The following HOXB8 variants were observed in gnomAD, a reference collection of about 807,000 sequenced individuals.
HOXB8 encodes the protein homeobox B8.
Under a neutral mutation model 22.2 loss-of-function variants are expected in HOXB8, and 17 were observed. That is an observed-to-expected ratio of 0.77 (90% CI 0.53 to 1.15). The LOEUF (loss-of-function observed/expected upper bound fraction) is 1.15, where lower values mean the gene tolerates loss of function less well. Among genes scored for constraint, HOXB8 ranks in the 50% most tolerant of loss-of-function variants. The pLI is 0.00. For missense variants in HOXB8, 287 were observed against 323.8 expected, an observed-to-expected ratio of 0.89 and a Z score of 0.87; for synonymous variants, 156 against 144.6, an observed-to-expected ratio of 1.08 and a Z score of -0.57.
rs761352582 is a variant in HOXB8 at position 48,615,178 on chromosome 17, C to CTATTGGCTTCTTCG, written c.-488_-475dup. Among the ~76,000 whole-genome samples, 51 of 151,910 alleles carry CTATTGGCTTCTTCG rather than the reference C, an allele frequency of 3.4e-4. No individual in the cohort carries two copies. Among genetic ancestry groups the CTATTGGCTTCTTCG allele is most frequent in the South Asian group, 6.2e-4 (3 of 4,812 alleles). On this transcript the variant is annotated 5_prime_UTR_variant, in exon 1 of 2. Coordinates refer to ENST00000239144, the MANE Select transcript of HOXB8 (RefSeq NM_024016.4). ...TTGCATCCATTAGAGACCCCGCATC[C>CTATTGGCTTCTTCG]TATTGGCTTCTTCGTACTCCTCCCG...
Position 48,614,183 on chromosome 17 carries a change from G to T in HOXB8, c.424+98C>A. 1 of 974,248 alleles carries T rather than the reference G, an allele frequency of 1.0e-6. No individual in the cohort carries two copies. Among genetic ancestry groups the T allele is most frequent in the Non-Finnish European group, 1.4e-6 (1 of 695,006 alleles). The allele number at this position is 974,248 out of a possible 1,614,324, so 60.4% of individuals were successfully genotyped here. A position where few individuals can be genotyped will look rare whatever the true frequency, so the allele number is the denominator to read the frequency against. ...GCGGCAGGCGATCGGAACGGAGCCG[G>T]CAAGTCTTCCAGAAGCTGGAGGAAA... On this transcript the variant is annotated intron_variant, in intron 1 of 1. Transcript: ENST00000239144. The surrounding 1 kb of genome is among the most constrained non-coding windows in gnomAD (Gnocchi z 4.1).
In HOXB8 at chr17:48,613,139, G is replaced by T; in HGVS notation, c.*63C>A. The T allele has an allele frequency of 8.6e-7, 1 of 1,164,034 alleles. No homozygotes were observed. The highest frequency in any genetic ancestry group is 3.2e-4 in the Middle Eastern group (1 of 3,164). 72.1% of individuals were successfully genotyped at this position (1,164,034 alleles called of 1,614,324 possible). On this transcript the variant is annotated 3_prime_UTR_variant, in exon 2 of 2. Coordinates refer to ENST00000239144, the MANE Select transcript of HOXB8 (RefSeq NM_024016.4). ...GCTCTCTCGGGCAGGGGCGCGCGGC[G>T]GCGGCGCGGCCGGGACCCGCGGACG...
rs1034515299 is a variant in HOXB8, at chr17:48,614,669, T to C, written c.36A>G (p.Lys12=). ...GGCGCAGGGACTCCCCGGTTTTGTA[T>C]TTGGAGAACAGTGAGTTGACGAAAT... ...SSYFVNSLFS[K]YKTGESLRPN... is the part of the protein sequence containing the mutation. The change falls in exon 1 of 2, where the codon AAA becomes AAG. Residue 12 remains lysine (K), a synonymous_variant. Coordinates refer to ENST00000239144, the MANE Select transcript of HOXB8 (RefSeq NM_024016.4). This position sits in a 1 kb window ranked among gnomAD's most constrained non-coding sequence, Gnocchi z 4.1. 2 of 1,602,076 alleles carry C rather than the reference T, an allele frequency of 1.2e-6. No individual in the cohort carries two copies. The highest frequency in any genetic ancestry group is 3.4e-5 in the Admixed American group (2 of 58,170).
chr17:48,614,637 T>C lies in HOXB8; in HGVS notation c.68A>G (p.Tyr23Cys). The C allele has an allele frequency of 6.2e-7, 1 of 1,609,656 alleles. No homozygotes were observed. The highest frequency in any genetic ancestry group is 8.5e-7 in the Non-Finnish European group (1 of 1,177,788). The change falls in exon 1 of 2, where the codon TAT (tyrosine) becomes TGT (cysteine). Residue 23 changes from tyrosine (Y) to cysteine (C), a missense_variant. By Grantham distance (194) the Tyr-to-Cys change is radical (BLOSUM62 -2). Coordinates refer to ENST00000239144, the MANE Select transcript of HOXB8 (RefSeq NM_024016.4). This position sits in a 1 kb window ranked among gnomAD's most constrained non-coding sequence, Gnocchi z 4.1. ...GTCCTGGGCGAAGCCGCAGTCATAATAATTGGGGCGCAGGGACTCCCCGGT... is the reference window on the plus strand; with the variant it reads ...GTCCTGGGCGAAGCCGCAGTCATAACAATTGGGGCGCAGGGACTCCCCGGT... ...YKTGESLRPN[Y>C]YDCGFAQDLG... is the part of the protein sequence containing the mutation.
chr17:48,614,476 C>T lies in HOXB8; in HGVS notation c.229G>A (p.Ala77Thr). Residue 77 changes from alanine to threonine, a missense_variant, in exon 1 of 2, where the codon GCG (alanine) becomes ACG (threonine). By Grantham distance (58) the Ala-to-Thr change is moderately conservative. Transcript: ENST00000239144. This position sits in a 1 kb window ranked among gnomAD's most constrained non-coding sequence, Gnocchi z 4.1. ...AAATTGCCGGGGTCCCCGTGGCACGCCACGGCGCACGGGTTCTGCTGGTAG... is the reference window on the plus strand; with the variant it reads ...AAATTGCCGGGGTCCCCGTGGCACGTCACGGCGCACGGGTTCTGCTGGTAG... ...APYQQNPCAV[A>T]CHGDPGNFYG... The T allele has an allele frequency of 6.2e-7, 1 of 1,613,996 alleles. No homozygotes were observed. The highest frequency in any genetic ancestry group is 1.1e-5 in the South Asian group (1 of 91,080).
Position 48,615,013 on chromosome 17 carries a change from CCAAA to C in HOXB8, c.-313_-310del. 4.1e-6 allele frequency: 1 copy of C among 243,958 alleles called. No individual in the cohort carries two copies. The highest frequency in any genetic ancestry group is 7.3e-6 in the Non-Finnish European group (1 of 137,806). The allele number at this position is 243,958 out of a possible 1,614,324, so 15.1% of individuals were successfully genotyped here. On this transcript the variant is annotated 5_prime_UTR_variant, in exon 1 of 2. Transcript: ENST00000239144. ...TCGCCCTCCCCCCACCCCCCACCCC[CCAAA>C]CAAAAATATACCACCACTTAAAGAG...
Position 48,614,263 on chromosome 17 carries a change from GC to G in HOXB8, c.424+17del. On this transcript the variant is annotated intron_variant, in intron 1 of 1. Coordinates refer to ENST00000239144, the MANE Select transcript of HOXB8 (RefSeq NM_024016.4). This position sits in a 1 kb window ranked among gnomAD's most constrained non-coding sequence, Gnocchi z 4.1. The stretch of plus-strand genomic sequence containing the variant: ...TTCCGGCCCCCTCCTGCCCTTGTCG[GC>G]CCCGAGGCGAGCTCACCTTGCGGGC... 1 of 1,476,964 alleles carries G rather than the reference GC, an allele frequency of 6.8e-7. No individual in the cohort carries two copies. The highest frequency in any genetic ancestry group is 8.9e-7 in the Non-Finnish European group (1 of 1,122,102). The allele number at this position is 1,476,964 out of a possible 1,614,324, so 91.5% of individuals were successfully genotyped here. A position where few individuals can be genotyped will look rare whatever the true frequency, so the allele number is the denominator to read the frequency against.
chr17:48,614,163 A>G lies in HOXB8; in HGVS notation c.424+118T>C. 1.4e-6 allele frequency: 1 copy of G among 709,666 alleles called. No homozygotes were observed. The highest frequency in any genetic ancestry group is 3.1e-5 in the East Asian group (1 of 32,650). The allele number at this position is 709,666 out of a possible 1,614,324, so 44.0% of individuals were successfully genotyped here. On this transcript the variant is annotated intron_variant, in intron 1 of 1. Coordinates refer to ENST00000239144, the MANE Select transcript of HOXB8 (RefSeq NM_024016.4). The surrounding 1 kb of genome is among the most constrained non-coding windows in gnomAD (Gnocchi z 4.1). ...ATAAGAAAGAAAGGGGAAAAGCGGC[A>G]GGCGATCGGAACGGAGCCGGCAAGT...
Position 48,614,038 on chromosome 17 carries a change from A to G in HOXB8, c.424+243T>C, listed in dbSNP as rs533550020. Among the ~76,000 whole-genome samples, 87 of 152,240 alleles carry G rather than the reference A, an allele frequency of 5.7e-4. No individual in the cohort carries two copies. Among genetic ancestry groups the G allele is most frequent in the African/African-American group, 1.9e-3 (81 of 41,552 alleles). The stretch of plus-strand genomic sequence containing the variant: ...AGTAAAAGGGGAAAAAAAGGAGGAG[A>G]AGAAGAAGAAAAGTAAGGCAGGATG... On this transcript the variant is annotated intron_variant, in intron 1 of 1. Coordinates refer to ENST00000239144, the MANE Select transcript of HOXB8 (RefSeq NM_024016.4). The surrounding 1 kb of genome is among the most constrained non-coding windows in gnomAD (Gnocchi z 4.1).
Position 48,614,229 on chromosome 17 carries a change from CTTGGG to C in HOXB8, c.424+47_424+51del, listed in dbSNP as rs1597890645. ...GGAAATGCGCCCCGGCCTGCCAGGC[CTTGGG>C]CCCTTCCGGCCCCCTCCTGCCCTTG... is the stretch of plus-strand genomic sequence containing the variant. On this transcript the variant is annotated intron_variant, in intron 1 of 1. Coordinates refer to ENST00000239144, the MANE Select transcript of HOXB8 (RefSeq NM_024016.4). This position sits in a 1 kb window ranked among gnomAD's most constrained non-coding sequence, Gnocchi z 4.1. The C allele has an allele frequency of 2.1e-6, 3 of 1,430,716 alleles. No individual in the cohort carries two copies. The highest frequency in any genetic ancestry group is 2.7e-6 in the Non-Finnish European group (3 of 1,095,956). 88.6% of individuals were successfully genotyped at this position (1,430,716 alleles called of 1,614,324 possible).
Position 48,612,406 on chromosome 17 carries a change from G to A in HOXB8, c.*796C>T, listed in dbSNP as rs930639670. ...CCGCCCTTTTCAGGCGCAGACAACAGAACAAAGTATAGAGGAACAACAAAA... is the reference window on the plus strand; with the variant it reads ...CCGCCCTTTTCAGGCGCAGACAACAAAACAAAGTATAGAGGAACAACAAAA... On this transcript the variant is annotated 3_prime_UTR_variant, in exon 2 of 2. Coordinates refer to ENST00000239144, the MANE Select transcript of HOXB8 (RefSeq NM_024016.4). 1 of 152,548 alleles carries A rather than the reference G, an allele frequency of 6.6e-6. No individual in the cohort carries two copies. The highest frequency in any genetic ancestry group is 1.5e-5 in the Non-Finnish European group (1 of 68,036). The allele number at this position is 152,548 out of a possible 1,614,324, so 9.4% of individuals were successfully genotyped here.
rs766421679 is a variant in HOXB8 at position 48,614,475 on chromosome 17, G to A, written c.230C>T (p.Ala77Val). 6.2e-7 allele frequency: 1 copy of A among 1,613,994 alleles called. No individual in the cohort carries two copies. Among genetic ancestry groups the A allele is most frequent in the South Asian group, 1.1e-5 (1 of 91,078 alleles). The change falls in exon 1 of 2, where the codon GCG becomes GTG. Residue 77 changes from alanine to valine, a missense_variant. By Grantham distance (64) the Ala-to-Val change is moderately conservative. This residue lies in a region of HOXB8 where 229 missense variants were observed against 239.8 expected (regional missense o/e 0.95). Transcript: ENST00000239144. The surrounding 1 kb of genome is among the most constrained non-coding windows in gnomAD (Gnocchi z 4.1). ...APYQQNPCAV[A>V]CHGDPGNFYG... ...GAAATTGCCGGGGTCCCCGTGGCAC[G>A]CCACGGCGCACGGGTTCTGCTGGTA... is the stretch of plus-strand genomic sequence containing the variant.
At position 48,612,627 on chromosome 17, in the gene HOXB8, G is replaced by A. The variant is rs1231671037; in HGVS notation, c.*575C>T. 6.6e-6 allele frequency: 1 copy of A among 152,666 alleles called. No homozygotes were observed. Among genetic ancestry groups the A allele is most frequent in the Non-Finnish European group, 1.5e-5 (1 of 68,092 alleles). 9.5% of individuals were successfully genotyped at this position (152,666 alleles called of 1,614,324 possible). A position where few individuals can be genotyped will look rare whatever the true frequency, so the allele number is the denominator to read the frequency against. On this transcript the variant is annotated 3_prime_UTR_variant, in exon 2 of 2. Coordinates refer to ENST00000239144, the MANE Select transcript of HOXB8 (RefSeq NM_024016.4). ...GTGGAGGAGGAAAAGAGAGAAGCCAGAGAGAAAGCCAGCGAGCTGGGGGGT... is the reference window on the plus strand; with the variant it reads ...GTGGAGGAGGAAAAGAGAGAAGCCAAAGAGAAAGCCAGCGAGCTGGGGGGT...
chr17:48,613,650 G>C (rs941929655), intron 1 of HOXB8, 141 bp from the exon 2 acceptor site: 9 of 572,342 alleles, frequency 1.6e-5, no homozygotes, highest in African/African-American at 2.7e-5. Flanking sequence ...GTGCGGGGGC[G>C]GGGGGGGCGC....
rs1464524030 is a variant in HOXB8 at position 48,614,060 on chromosome 17, G to A, written c.424+221C>T. ...GAGAAGAAGAAGAAAAGTAAGGCAGGATGAGGGGTTTATAGATTCAGGAAA... is the reference window on the plus strand; with the variant it reads ...GAGAAGAAGAAGAAAAGTAAGGCAGAATGAGGGGTTTATAGATTCAGGAAA... On this transcript the variant is annotated intron_variant, in intron 1 of 1. Coordinates refer to ENST00000239144, the MANE Select transcript of HOXB8 (RefSeq NM_024016.4). This position sits in a 1 kb window ranked among gnomAD's most constrained non-coding sequence, Gnocchi z 4.1. 6.6e-6 allele frequency among the ~76,000 whole-genome samples: 1 copy of A among 152,184 alleles called. No individual in the cohort carries two copies.
Position 48,613,325 on chromosome 17 carries a change from T to C in HOXB8, c.609A>G (p.Lys203=), listed in dbSNP as rs200705227. 5.6e-5 allele frequency: 90 copies of C among 1,613,934 alleles called. No homozygotes were observed. The highest frequency in any genetic ancestry group is 6.9e-5 in the Non-Finnish European group (82 of 1,180,006). The change falls in exon 2 of 2, where the codon AAA becomes AAG. Residue 203 remains lysine (K), a synonymous_variant. Transcript: ENST00000239144. ...TGGGGAACTTGTCTTTGTTGTTCTC[T>C]TTTTTCCACTTCATCCTCCGGTTCT... ...WFQNRRMKWK[K]ENNKDKFPSS...
Sources: gnomAD v4.1 joint callset for allele counts (sites outside exome capture counted in the v4.1 genomes callset) on GRCh38, gnomAD v4.1.1 for gene constraint, gnomAD v4.1.1 regional missense constraint, Gnocchi (gnomAD v3.1) non-coding constraint, MANE v1.5 for transcripts, NCBI Gene and HGNC (gene_info 2026-07-23, HGNC 2026-07-21) for gene names.